JAKMIP3: variants seen among roughly 807,000 people sequenced by gnomAD.
The protein encoded by JAKMIP3 is Janus kinase and microtubule interacting protein 3.
JAKMIP3 carries 58 observed loss-of-function variants against 118.5 expected under a neutral mutation model. The observed-to-expected ratio is 0.49, with a 90% CI of 0.40 to 0.61. JAKMIP3 has a LOEUF of 0.61. JAKMIP3 is among the 20% of genes least tolerant of loss of function. JAKMIP3 has a pLI of 0.00. For missense variants in JAKMIP3, 950 were observed against 1,109.0 expected, an observed-to-expected ratio of 0.86 and a Z score of 2.04; for synonymous variants, 486 against 451.2, an observed-to-expected ratio of 1.08 and a Z score of -0.98.
intron 3 of JAKMIP3, among the ~76,000 whole-genome samples, chr10:132,124,320 G>A (rs372279556): frequency 6.9e-4 from 97 of 140,096 alleles, no homozygotes; most frequent in African/African-American, 9.1e-4. Context: ...TGAACCAGCC[G>A]GCCGCGCCAT....
intron 2 of JAKMIP3, among the ~76,000 whole-genome samples, chr10:132,109,275 C>T (rs531369797): frequency 3.9e-5 from 6 of 152,104 alleles, no homozygotes; most frequent in African/African-American, 1.4e-4. Context: ...TGCACTCCAG[C>T]CTGGGTGACA....
chr10:132,100,779 C>T (rs2044743271), intron 1 of JAKMIP3, among the ~76,000 whole-genome samples: 1 of 151,856 alleles, frequency 6.6e-6, no homozygotes, highest in South Asian at 2.1e-4. Context: ...AAGCCCCTTT[C>T]TCTCGGCATG....
Position 132,112,098 on chromosome 10 carries a change from G to A in JAKMIP3, c.136-4979G>A, listed in dbSNP as rs539252981. Among the ~76,000 whole-genome samples, 10 of 152,042 alleles carry A rather than the reference G, an allele frequency of 6.6e-5. No individual in the cohort carries two copies. Among genetic ancestry groups the A allele is most frequent in the African/African-American group, 1.7e-4 (7 of 41,514 alleles). ...GGCTTGGGTCTGAGCAGCAGTGGCC[G>A]GGCTGCCCTTTGCTGAGGTGGCATC... On this transcript the variant is annotated intron_variant, in intron 2 of 23. Transcript: ENST00000684848. The surrounding 1 kb of genome is among the most constrained non-coding windows in gnomAD (Gnocchi z 4.3).
chr10:132,058,775 A>C (rs1189750232), intron 1 of JAKMIP3, among the ~76,000 whole-genome samples: 1 of 152,214 alleles, frequency 6.6e-6, no homozygotes, highest in African/African-American at 2.4e-5. Flanking sequence ...CGAGGGAGTC[A>C]TATGTCTGGA....
intron 1 of JAKMIP3, among the ~76,000 whole-genome samples, chr10:132,043,509 C>T (rs1031178518): frequency 4.6e-5 from 7 of 152,208 alleles, no homozygotes; most frequent in African/African-American, 7.2e-5. Flanking sequence ...CAGGGGGAAA[C>T]GGGGTTGGAT....
In JAKMIP3 at chr10:132,158,057, A is replaced by G. The variant is rs575001166; in HGVS notation, c.2220+4067A>G. 7.2e-3 allele frequency among the ~76,000 whole-genome samples: 1,073 copies of G among 149,738 alleles called. 10 individuals carry two copies. The highest frequency in any genetic ancestry group is 0.021 in the Middle Eastern group (6 of 288). On this transcript the variant is annotated intron_variant, in intron 19 of 23. Coordinates refer to ENST00000684848, the MANE Select transcript of JAKMIP3 (RefSeq NM_001323087.2). ...AGGAAATGGAAATTTATGCACCTCC[A>G]GGATGGCTGCCCACCGCCCCCCCGC...
At chr10:132,106,905 A>G (rs2045997628) in intron 2 of JAKMIP3, among the ~76,000 whole-genome samples, 1 of 152,158 alleles carries the variant, frequency 6.6e-6, no homozygotes, top group Admixed American at 6.5e-5. Flanking sequence ...TTTTAAAAAA[A>G]CAAAGTCTTA....
chr10:132,129,264 G>C (rs1252684026), intron 3 of JAKMIP3, among the ~76,000 whole-genome samples: 1 of 152,210 alleles, frequency 6.6e-6, no homozygotes, highest in Non-Finnish European at 1.5e-5. Context: ...CCAGGGTCTA[G>C]AGAATTCACT....
intron 21 of JAKMIP3, among the ~76,000 whole-genome samples, chr10:132,165,075 T>C (rs574781645): frequency 6.6e-6 from 1 of 152,368 alleles, no homozygotes; most frequent in Admixed American, 6.5e-5. Flanking sequence ...CTCCCATCAC[T>C]GAAGCCTGGG....
chr10:132,157,000 T>C (rs1276776367), intron 19 of JAKMIP3, among the ~76,000 whole-genome samples: 1 of 152,196 alleles, frequency 6.6e-6, no homozygotes, highest in East Asian at 1.9e-4. Flanking sequence ...CTGGTTTCTC[T>C]CCTGATGGTC....
chr10:132,148,692 A>G (rs904667176), intron 14 of JAKMIP3, among the ~76,000 whole-genome samples: 3 of 152,228 alleles, frequency 2.0e-5, no homozygotes, highest in South Asian at 2.1e-4. Flanking sequence ...GTCCTCTGCC[A>G]TGACCTGCAC....
At chr10:132,115,849 C>A (rs577338654) in intron 2 of JAKMIP3, among the ~76,000 whole-genome samples, 1 of 152,272 alleles carries the variant, frequency 6.6e-6, no homozygotes, top group Non-Finnish European at 1.5e-5. Context: ...GAGGGCTCAG[C>A]TGTCCTCCAG....
intron 15 of JAKMIP3, 59 bp downstream of exon 15, chr10:132,149,569 CCT>C (rs1433659696): frequency 1.1e-5 from 7 of 635,266 alleles, no homozygotes; most frequent in African/African-American, 5.2e-5. Context: ...CGCCCCACCC[CCT>C]CTCCGCCCCC....
chr10:132,179,577 C>T lies in JAKMIP3; in HGVS notation c.*1104-2780C>T, dbSNP rs748486755. 1.3e-5 allele frequency among the ~76,000 whole-genome samples: 2 copies of T among 152,166 alleles called. No individual in the cohort carries two copies. Among genetic ancestry groups the T allele is most frequent in the Non-Finnish European group, 2.9e-5 (2 of 68,024 alleles). On this transcript the variant is annotated intron_variant, in intron 23 of 23. Transcript: ENST00000684848. This position sits in a 1 kb window ranked among gnomAD's most constrained non-coding sequence, Gnocchi z 4.3. ...GCTCCCTGAAGGCAATTCGCAGCCC[C>T]ATGTTCCCCCCACCCCCCACACTTC...
At chr10:132,066,765 C>G (rs953985659) in intron 1 of JAKMIP3, among the ~76,000 whole-genome samples, 28 of 152,294 alleles carry the variant, frequency 1.8e-4, no homozygotes, top group African/African-American at 6.5e-4. Flanking sequence ...GCCTCAGTTT[C>G]TACAGTTGTT....
At chr10:132,116,505 TGTGA>T (rs933312038) in intron 2 of JAKMIP3, among the ~76,000 whole-genome samples, 10 of 144,728 alleles carry the variant, frequency 6.9e-5, no homozygotes, top group African/African-American at 2.6e-4. Flanking sequence ...CACATTCAGG[TGTGA>T]GTGTGTGCAT....
chr10:132,172,938 CCTCT>C (rs2059645723), intron 23 of JAKMIP3, among the ~76,000 whole-genome samples: 1 of 146,650 alleles, frequency 6.8e-6, no homozygotes, highest in South Asian at 2.2e-4. Context: ...TCCCGCCTTC[CCTCT>C]CTACTTCCTT....
intron 1 of JAKMIP3, among the ~76,000 whole-genome samples, chr10:132,100,433 C>T (rs1564896124): frequency 2.0e-5 from 2 of 99,188 alleles, no homozygotes; most frequent in Non-Finnish European, 4.7e-5. Context: ...CCAGTCGCCC[C>T]GTCTGCCTCC....
intron 1 of JAKMIP3, among the ~76,000 whole-genome samples, chr10:132,036,872 C>T (rs1379255192): frequency 1.3e-5 from 2 of 151,964 alleles, no homozygotes; most frequent in African/African-American, 4.8e-5. Flanking sequence ...GAGGGGGTCC[C>T]GCGGCAGAGA....
Sources: gnomAD v4.1 joint callset for allele counts (sites outside exome capture counted in the v4.1 genomes callset) on GRCh38, gnomAD v4.1.1 for gene constraint, Gnocchi (gnomAD v3.1) non-coding constraint, MANE v1.5 for transcripts, NCBI Gene and HGNC (gene_info 2026-07-23, HGNC 2026-07-21) for gene names.